SBNO2: variants seen among roughly 807,000 people sequenced by gnomAD.
SBNO2 encodes the protein strawberry notch homolog 2.
Under a neutral mutation model 146.3 loss-of-function variants are expected in SBNO2, and 89 were observed. That is an observed-to-expected ratio of 0.61 (90% CI 0.51 to 0.73). SBNO2 has a LOEUF of 0.73. Among genes scored for constraint, SBNO2 ranks in the 30% least tolerant of loss-of-function variants. SBNO2 has a pLI of 0.00. For missense variants in SBNO2, 2,092 were observed against 2,003.7 expected, an observed-to-expected ratio of 1.04 and a Z score of -0.84; for synonymous variants, 1,147 against 892.6, an observed-to-expected ratio of 1.29 and a Z score of -5.08.
intron 4 of SBNO2, chr19:1,128,397 ATT>A (rs776481147): frequency 1.5e-3 from 386 of 251,418 alleles, no homozygotes; most frequent in Non-Finnish European, 2.0e-3. Flanking sequence ...ACATCATTTC[ATT>A]TTTTTTTTTT....
Position 1,144,656 on chromosome 19 carries a change from G to A in SBNO2, c.279+2653C>T, listed in dbSNP as rs1454833063. 6.7e-6 allele frequency among the ~76,000 whole-genome samples: 1 copy of A among 148,578 alleles called. No individual in the cohort carries two copies. The highest frequency in any genetic ancestry group is 1.5e-5 in the Non-Finnish European group (1 of 67,016). On this transcript the variant is annotated intron_variant, in intron 4 of 31. Coordinates refer to ENST00000361757, the MANE Select transcript of SBNO2 (RefSeq NM_014963.3). The surrounding 1 kb of genome is among the most constrained non-coding windows in gnomAD (Gnocchi z 4.1). ...GACAGAGAGGGCGACAGAGACAGAG[G>A]CAGAGAGGGAAACAGACGAAGACAG...
In SBNO2 at chr19:1,160,382, G is replaced by A. The variant is rs145536587; in HGVS notation, c.-126-5980C>T. On this transcript the variant is annotated intron_variant, in intron 1 of 31. Transcript: ENST00000361757. The stretch of plus-strand genomic sequence containing the variant: ...CCTGCCCAGGCCTCGGGGGGTCTGC[G>A]GGGCGGCCTCACAGGAGGCCCAGTA... Among the ~76,000 whole-genome samples, 52 of 152,322 alleles carry A rather than the reference G, an allele frequency of 3.4e-4. 2 individuals are homozygous for A. The East Asian group carries it at 7.7e-3, about 23-fold the overall frequency.
intron 12 of SBNO2, 53 bp from the exon 13 acceptor site, chr19:1,119,674 C>A (rs1414566345): frequency 3.4e-6 from 5 of 1,450,186 alleles, no homozygotes; most frequent in Non-Finnish European, 4.8e-6. Flanking sequence ...CCAGAGGCCG[C>A]GTCAGGGGAC....
Position 1,158,747 on chromosome 19 carries a change from C to T in SBNO2, c.-126-4345G>A, listed in dbSNP as rs529324490. On this transcript the variant is annotated intron_variant, in intron 1 of 31. Coordinates refer to ENST00000361757, the MANE Select transcript of SBNO2 (RefSeq NM_014963.3). This position sits in a 1 kb window ranked among gnomAD's most constrained non-coding sequence, Gnocchi z 9.9. ...CCGGGCAGGCACAAGGCGCTCCCTG[C>T]GTCCCAGGACCTGAAGATGGCAAGG... Among the ~76,000 whole-genome samples the T allele has an allele frequency of 1.3e-5, 2 of 152,296 alleles. No individual in the cohort carries two copies. Among genetic ancestry groups the T allele is most frequent in the Admixed American group, 6.5e-5 (1 of 15,312 alleles).
intron 1 of SBNO2, among the ~76,000 whole-genome samples, chr19:1,161,997 GCCCAAGGTGA>G (rs1322554656): frequency 1.4e-5 from 2 of 143,406 alleles, no homozygotes; most frequent in Admixed American, 7.4e-5. Context: ...GGACGTCCTG[GCCCAAGGTGA>G]GCGGGCACGG....
At position 1,140,581 on chromosome 19, in the gene SBNO2, G is replaced by A. The variant is rs2080125979; in HGVS notation, c.279+6728C>T. Among the ~76,000 whole-genome samples, 1 of 152,106 alleles carries A rather than the reference G, an allele frequency of 6.6e-6. No homozygotes were observed. Among genetic ancestry groups the A allele is most frequent in the South Asian group, 2.1e-4 (1 of 4,836 alleles). On this transcript the variant is annotated intron_variant, in intron 4 of 31. Transcript: ENST00000361757. The surrounding 1 kb of genome is among the most constrained non-coding windows in gnomAD (Gnocchi z 4.4). ...CGGTGGATGCCAGCAGCGGCATCCT[G>A]GCGCAGCGTGAGCCCCAGGGGTGGG...
chr19:1,135,388 T>C (rs757066365), intron 4 of SBNO2, among the ~76,000 whole-genome samples: 2 of 152,212 alleles, frequency 1.3e-5, no homozygotes, highest in Non-Finnish European at 1.5e-5. Context: ...TTTTGTGGTA[T>C]GTGAATTTTG....
Position 1,119,452 on chromosome 19 carries a change from G to A in SBNO2, c.1373+64C>T, listed in dbSNP as rs533166502. On this transcript the variant is annotated intron_variant, in intron 13 of 31. Coordinates refer to ENST00000361757, the MANE Select transcript of SBNO2 (RefSeq NM_014963.3). The stretch of plus-strand genomic sequence containing the variant: ...ACGTGGCAGTGCCAGGCCTTGGGCT[G>A]ATGGGCCTGAGGCCTCCTCCCCACC... 199 of 1,298,950 alleles carry A rather than the reference G, an allele frequency of 1.5e-4. No homozygotes were observed. In the African/African-American group the frequency reaches 2.7e-3, roughly 18 times the overall value. The allele number at this position is 1,298,950 out of a possible 1,614,324, so 80.5% of individuals were successfully genotyped here. A position where few individuals can be genotyped will look rare whatever the true frequency, so the allele number is the denominator to read the frequency against.
intron 4 of SBNO2, 34 bp downstream of exon 4, chr19:1,147,275 C>A (rs781750779): frequency 3.5e-6 from 5 of 1,423,936 alleles, no homozygotes; most frequent in Non-Finnish European, 3.9e-6. Context: ...TCCACCCTGC[C>A]CCCCACGGCG....
Position 1,119,606 on chromosome 19 carries a change from C to A in SBNO2, c.1283G>T (p.Arg428Leu), listed in dbSNP as rs201064922. The A allele has an allele frequency of 6.2e-7, 1 of 1,608,890 alleles. No homozygotes were observed. ...CAAGCGGCTCATGTAGATCATGTTCCGAGGCTCAGAGGCACCTGTGGGGGG... is the reference window on the plus strand; with the variant it reads ...CAAGCGGCTCATGTAGATCATGTTCAGAGGCTCAGAGGCACCTGTGGGGGG... ...YASATGASEP[R>L]NMIYMSRLGI... The change falls in exon 13 of 32, where the codon CGG (arginine) becomes CTG (leucine). Residue 428 changes from arginine (R) to leucine (L), a missense_variant. Physicochemically the swap from Arg to Leu is moderately radical, Grantham distance 102 (BLOSUM62 -2). Coordinates refer to ENST00000361757, the MANE Select transcript of SBNO2 (RefSeq NM_014963.3).
intron 17 of SBNO2, 106 bp downstream of exon 17, chr19:1,115,915 G>T: frequency 3.3e-6 from 3 of 915,086 alleles, no homozygotes; most frequent in Non-Finnish European, 3.5e-6. Context: ...ACCTGCATTT[G>T]GCTGAGTGGA....
At chr19:1,142,209 T>TCCC (rs750119865) in intron 4 of SBNO2, among the ~76,000 whole-genome samples, 42 of 954 alleles carry the variant, frequency 0.044, no homozygotes, top group Middle Eastern at 0.5. Context: ...ATGACCTCCC[T>TCCC]CATGATCAAC....
At position 1,157,905 on chromosome 19, in the gene SBNO2, G is replaced by C. The variant is rs984710432; in HGVS notation, c.-126-3503C>G. On this transcript the variant is annotated intron_variant, in intron 1 of 31. Transcript: ENST00000361757. The surrounding 1 kb of genome is among the most constrained non-coding windows in gnomAD (Gnocchi z 6.8). ...CCTCCCAGCTCTCTCTCCTGAGTCC[G>C]GATAACTGTCCGCCTCCCAGCTCTC... Among the ~76,000 whole-genome samples, 1 of 149,328 alleles carries C rather than the reference G, an allele frequency of 6.7e-6. No homozygotes were observed. The highest frequency in any genetic ancestry group is 2.5e-5 in the African/African-American group (1 of 40,232).
Position 1,109,410 on chromosome 19 carries a change from T to C in SBNO2, c.3230A>G (p.Lys1077Arg). 1 of 1,566,616 alleles carries C rather than the reference T, an allele frequency of 6.4e-7. No homozygotes were observed. Among genetic ancestry groups the C allele is most frequent in the Non-Finnish European group, 8.6e-7 (1 of 1,156,696 alleles). ...FYLSYKVRGN[K>R]PSCLLAEQNR... The stretch of plus-strand genomic sequence containing the variant: ...CTGCTCCGCCAGCAGGCAGCTGGGC[T>C]TGTTACCGCGGACCTGCGGAGGGGG... The change falls in exon 29 of 32, where the codon AAG becomes AGG. Residue 1077 changes from lysine (K) to arginine (R), a missense_variant. Physicochemically the swap from Lys to Arg is conservative, Grantham distance 26 (BLOSUM62 2). Coordinates refer to ENST00000361757, the MANE Select transcript of SBNO2 (RefSeq NM_014963.3). This position sits in a 1 kb window ranked among gnomAD's most constrained non-coding sequence, Gnocchi z 4.2.
intron 1 of SBNO2, among the ~76,000 whole-genome samples, chr19:1,162,924 G>A (rs1193925933): frequency 6.6e-6 from 1 of 152,208 alleles, no homozygotes; most frequent in Admixed American, 6.5e-5. Context: ...TGGGGCTGCA[G>A]GGCCACCAAT....
rs780318197 is a variant in SBNO2 at position 1,114,277 on chromosome 19, G to A, written c.2031C>T (p.Asp677=). ...FNSSPESLVD[D]DVVIVDAVGL... ...CGACTGCATCAACGATGACAACGTC[G>A]TCATCCACCAGGGACTCGGGGGAGG... The change falls in exon 18 of 32, where the codon GAC becomes GAT. Residue 677 remains aspartate, a synonymous_variant. Coordinates refer to ENST00000361757, the MANE Select transcript of SBNO2 (RefSeq NM_014963.3). 99 of 1,547,908 alleles carry A rather than the reference G, an allele frequency of 6.4e-5. No individual in the cohort carries two copies. Among genetic ancestry groups the A allele is most frequent in the Non-Finnish European group, 8.0e-5 (92 of 1,145,672 alleles).
intron 11 of SBNO2, among the ~76,000 whole-genome samples, chr19:1,121,574 G>A (rs2079901452): frequency 6.6e-6 from 1 of 152,194 alleles, no homozygotes; most frequent in Non-Finnish European, 1.5e-5. Context: ...GCTGAGCCTG[G>A]CCAAGGGGTG....
chr19:1,168,441 T>C (rs1219726895), intron 1 of SBNO2, among the ~76,000 whole-genome samples: 1 of 152,002 alleles, frequency 6.6e-6, no homozygotes, highest in Non-Finnish European at 1.5e-5. Flanking sequence ...GCCCCACCAG[T>C]GAAAACATTC....
chr19:1,142,147 C>G, intron 4 of SBNO2, among the ~76,000 whole-genome samples: 1 of 136,258 alleles, frequency 7.3e-6, no homozygotes, highest in Admixed American at 7.3e-5. Context: ...CCTCCCTCCC[C>G]ACGATCAATC....
Sources: allele counts gnomAD v4.1 joint callset (sites outside exome capture counted in the v4.1 genomes callset), GRCh38; gene constraint gnomAD v4.1.1; non-coding constraint Gnocchi (gnomAD v3.1); transcripts MANE v1.5; gene names NCBI Gene and HGNC (gene_info 2026-07-23, HGNC 2026-07-21).